Variants in GALNTL6 observed in about 807,000 individuals in gnomAD.
GALNTL6 encodes polypeptide N-acetylgalactosaminyltransferase-like 6.
A neutral mutation model predicts 73.7 loss-of-function variants in GALNTL6; 46 were observed. The ratio of observed to expected loss-of-function variants is 0.62; its 90% CI spans 0.49 to 0.80. The LOEUF (loss-of-function observed/expected upper bound fraction) is 0.80, where lower values mean the gene tolerates loss of function less well. GALNTL6 is among the 30% of genes least tolerant of loss of function. The pLI, the probability that GALNTL6 is intolerant of heterozygous loss-of-function variation, is 0.00. For missense variants in GALNTL6, 604 were observed against 755.0 expected (o/e 0.80, Z 2.34); for synonymous variants, 259 against 263.7 (o/e 0.98, Z 0.17).
intron 3 of GALNTL6, among the ~76,000 whole-genome samples, chr4:172,242,310 T>A (rs1368056736): frequency 6.6e-6 from 1 of 151,550 alleles, no homozygotes; most frequent in Non-Finnish European, 1.5e-5. Flanking sequence ...CATTCAGAGA[T>A]GTGTGTGTGT....
intron 2 of GALNTL6, among the ~76,000 whole-genome samples, chr4:172,022,056 A>C (rs1317288339): frequency 1.3e-5 from 2 of 152,042 alleles, no homozygotes; most frequent in Non-Finnish European, 2.9e-5. Flanking sequence ...CCCCACAAGC[A>C]CAGGCAACCA....
intron 5 of GALNTL6, among the ~76,000 whole-genome samples, chr4:172,675,733 A>C (rs1055487735): frequency 6.6e-6 from 1 of 152,238 alleles, no homozygotes; most frequent in Non-Finnish European, 1.5e-5. Context: ...TTATTCAACA[A>C]ATACTTACTG....
At chr4:172,062,305 A>C (rs1033151127) in intron 2 of GALNTL6, among the ~76,000 whole-genome samples, 1 of 152,108 alleles carries the variant, frequency 6.6e-6, no homozygotes, top group African/African-American at 2.4e-5. Flanking sequence ...AATGTGTTTA[A>C]TGTCACACGG....
chr4:172,357,069 A>G (rs1742187521), intron 5 of GALNTL6, among the ~76,000 whole-genome samples: 1 of 152,180 alleles, frequency 6.6e-6, no homozygotes, highest in African/African-American at 2.4e-5. Flanking sequence ...TAGAGGATTC[A>G]TGAGAATCAT....
chr4:172,098,172 C>G (rs1203170945), intron 2 of GALNTL6, among the ~76,000 whole-genome samples: 1 of 152,010 alleles, frequency 6.6e-6, no homozygotes, highest in Admixed American at 6.6e-5. Flanking sequence ...ATATATGTCT[C>G]TCTCTATATA....
intron 12 of GALNTL6, among the ~76,000 whole-genome samples, chr4:173,029,744 C>T (rs1310852832): frequency 6.6e-6 from 1 of 152,174 alleles, no homozygotes; most frequent in Non-Finnish European, 1.5e-5. Flanking sequence ...CTGTACAGGT[C>T]ATCTTTTACA....
chr4:172,981,984 G>A (rs1183844229), intron 10 of GALNTL6, among the ~76,000 whole-genome samples: 1 of 151,696 alleles, frequency 6.6e-6, no homozygotes. Flanking sequence ...TAGTAGAGAC[G>A]GGGTTTCTCC....
intron 5 of GALNTL6, among the ~76,000 whole-genome samples, chr4:172,514,640 A>G (rs1186279135): frequency 2.0e-5 from 3 of 152,110 alleles, no homozygotes; most frequent in East Asian, 3.9e-4. Context: ...TGAAATTACT[A>G]CAAAGTTCAG....
At chr4:172,065,785 C>T (rs1394057375) in intron 2 of GALNTL6, among the ~76,000 whole-genome samples, 1 of 152,164 alleles carries the variant, frequency 6.6e-6, no homozygotes, top group African/African-American at 2.4e-5. Context: ...AGGAAACTTA[C>T]AATCACGGCA....
intron 5 of GALNTL6, among the ~76,000 whole-genome samples, chr4:172,503,531 T>TATATATATATATATATAC (rs1253517650): frequency 5.7e-5 from 5 of 87,558 alleles, no homozygotes; most frequent in African/African-American, 1.5e-4. Context: ...GAGTAGTATA[T>TATATATATATATATATAC]ATATATATAT....
intron 8 of GALNTL6, among the ~76,000 whole-genome samples, chr4:172,928,574 C>T (rs1256520249): frequency 6.6e-6 from 1 of 152,182 alleles, no homozygotes; most frequent in African/African-American, 2.4e-5. Context: ...TCTAGTGATA[C>T]AGGAAGTCCA....
chr4:171,883,299 C>A (rs1218381459), intron 2 of GALNTL6, among the ~76,000 whole-genome samples: 1 of 152,070 alleles, frequency 6.6e-6, no homozygotes, highest in Non-Finnish European at 1.5e-5. Flanking sequence ...TTGCAGTGAG[C>A]CGAGATCCTG....
At chr4:172,889,628 G>T (rs989472209) in intron 8 of GALNTL6, among the ~76,000 whole-genome samples, 12 of 152,086 alleles carry the variant, frequency 7.9e-5, no homozygotes, top group Admixed American at 6.5e-4. Flanking sequence ...GTGAATTAGC[G>T]TTTTGATGTG....
chr4:172,187,190 T>A (rs1735440818), intron 2 of GALNTL6, among the ~76,000 whole-genome samples: 1 of 152,120 alleles, frequency 6.6e-6, no homozygotes, highest in African/African-American at 2.4e-5. Context: ...GATATTTATA[T>A]ATTTCTATTT....
intron 2 of GALNTL6, among the ~76,000 whole-genome samples, chr4:172,198,909 C>T (rs1735867836): frequency 6.6e-6 from 1 of 152,108 alleles, no homozygotes; most frequent in African/African-American, 2.4e-5. Context: ...TAGTACTTCA[C>T]TTCTCTCTAA....
chr4:172,330,665 T>C (rs1741093656), intron 4 of GALNTL6, among the ~76,000 whole-genome samples: 1 of 152,180 alleles, frequency 6.6e-6, no homozygotes, highest in South Asian at 2.1e-4. Context: ...GGAAGTAGTA[T>C]AGTTTATTTG....
chr4:172,066,015 A>G (rs1449213562), intron 2 of GALNTL6, among the ~76,000 whole-genome samples: 1 of 152,156 alleles, frequency 6.6e-6, no homozygotes, highest in Non-Finnish European at 1.5e-5. Context: ...ACAGAGCCAA[A>G]CAACACCAAT....
intron 3 of GALNTL6, among the ~76,000 whole-genome samples, chr4:172,292,197 A>T (rs1739499733): frequency 6.6e-6 from 1 of 152,152 alleles, no homozygotes; most frequent in Non-Finnish European, 1.5e-5. Context: ...CTATATTTTT[A>T]AAAATATGAT....
intron 7 of GALNTL6, among the ~76,000 whole-genome samples, chr4:172,871,593 G>GC (rs1561004816): frequency 2.4e-5 from 3 of 124,612 alleles, no homozygotes; most frequent in Non-Finnish European, 5.2e-5. Context: ...GACTCTGGGG[G>GC]GGGTGTGTGT....
Sources: gnomAD v4.1 joint callset for allele counts (sites outside exome capture counted in the v4.1 genomes callset) on GRCh38, gnomAD v4.1.1 for gene constraint, MANE v1.5 for transcripts, NCBI Gene and HGNC (gene_info 2026-07-23, HGNC 2026-07-21) for gene names.